The following PANK4 variants were observed in gnomAD, a reference collection of about 807,000 sequenced individuals.
PANK4 encodes pantothenate kinase 4 (inactive).
A neutral mutation model predicts 87.9 loss-of-function variants in PANK4; 40 were observed. That is an observed-to-expected ratio of 0.46 (90% CI 0.35 to 0.59). The LOEUF is 0.59. Ranked by LOEUF, PANK4 falls within the 20% of genes least tolerant of loss-of-function variation. The pLI, the probability that PANK4 is intolerant of heterozygous loss-of-function variation, is 0.00. For missense variants in PANK4, 926 were observed against 1,072.3 expected (o/e 0.86, Z 1.90); for synonymous variants, 524 against 467.4 (o/e 1.12, Z -1.56).
intron 9 of PANK4, among the ~76,000 whole-genome samples, chr1:2,516,708 G>A (rs1179379250): frequency 2.0e-5 from 3 of 152,238 alleles, no homozygotes; most frequent in African/African-American, 7.2e-5. Flanking sequence ...CCGGGCAGAA[G>A]CTCCACGTGG....
Position 2,520,970 on chromosome 1 carries a change from T to C in PANK4, c.423-64A>G. 2.0e-6 allele frequency: 3 copies of C among 1,533,658 alleles called. No individual in the cohort carries two copies. Among genetic ancestry groups the C allele is most frequent in the Non-Finnish European group, 2.6e-6 (3 of 1,132,410 alleles). On this transcript the variant is annotated intron_variant, in intron 3 of 18. Coordinates refer to ENST00000378466, the MANE Select transcript of PANK4 (RefSeq NM_018216.4). The surrounding 1 kb of genome is among the most constrained non-coding windows in gnomAD (Gnocchi z 6.2). ...ACAGACAGGTGCAACCATGCAAGCC[T>C]GCCTGGTCCGAAGGGGCAGCCATGC... is the stretch of plus-strand genomic sequence containing the variant.
At position 2,510,647 on chromosome 1, in the gene PANK4, G is replaced by A. The variant is rs1276664896; in HGVS notation, c.1938+31C>T. 10 of 1,327,460 alleles carry A rather than the reference G, an allele frequency of 7.5e-6. No individual in the cohort carries two copies. Among genetic ancestry groups the A allele is most frequent in the East Asian group, 4.6e-5 (2 of 43,350 alleles). The allele number at this position is 1,327,460 out of a possible 1,614,324, so 82.2% of individuals were successfully genotyped here. On this transcript the variant is annotated intron_variant, in intron 16 of 18. Transcript: ENST00000378466. The surrounding 1 kb of genome is among the most constrained non-coding windows in gnomAD (Gnocchi z 4.9). The stretch of plus-strand genomic sequence containing the variant: ...CCACCGAGAGCAGAGAAGCCCAGGG[G>A]AAGGGCCCCACCCACCACCTCAACA...
chr1:2,510,725 A>G lies in PANK4; in HGVS notation c.1891T>C (p.Leu631=), dbSNP rs1273125756. ...TCCCTGACAAAGGGGAAGACTCCCA[A>G]AATGATGTCTATTCCACTGTTATCT... ...FADNSGIDII[L]GVFPFVRELL... Residue 631 remains leucine, a synonymous_variant, in exon 16 of 19, where the codon TTG becomes CTG. Coordinates refer to ENST00000378466, the MANE Select transcript of PANK4 (RefSeq NM_018216.4). This position sits in a 1 kb window ranked among gnomAD's most constrained non-coding sequence, Gnocchi z 4.9. The G allele has an allele frequency of 1.9e-6, 3 of 1,612,574 alleles. No individual in the cohort carries two copies. Among genetic ancestry groups the G allele is most frequent in the Non-Finnish European group, 2.5e-6 (3 of 1,179,366 alleles).
rs1643622123 is a variant in PANK4 at position 2,509,453 on chromosome 1, C to T, written c.2109-393G>A. Among the ~76,000 whole-genome samples, 2 of 152,216 alleles carry T rather than the reference C, an allele frequency of 1.3e-5. 1 individual carries two copies. The highest frequency in any genetic ancestry group is 2.9e-5 in the Non-Finnish European group (2 of 68,040). ...CTCATTTAAGGGGTTCCTTCCTCCT[C>T]TGCAATCAGGAGGACAGACAGCACC... On this transcript the variant is annotated intron_variant, in intron 18 of 18. Transcript: ENST00000378466. This position sits in a 1 kb window ranked among gnomAD's most constrained non-coding sequence, Gnocchi z 4.9.
At chr1:2,522,797 T>A in intron 1 of PANK4, among the ~76,000 whole-genome samples, 1 of 152,144 alleles carries the variant, frequency 6.6e-6, no homozygotes. Context: ...GGTGCTATAG[T>A]GACTTAACGG....
intron 14 of PANK4, 90 bp from the exon 15 acceptor site, chr1:2,511,477 G>C: frequency 8.5e-7 from 1 of 1,182,552 alleles, no homozygotes; most frequent in Non-Finnish European, 1.3e-6. Flanking sequence ...TCTCCAGGAA[G>C]CAAGTTCTCC....
chr1:2,513,100 C>T, intron 12 of PANK4, 61 bp from the exon 13 acceptor site: 1 of 1,515,576 alleles, frequency 6.6e-7, no homozygotes, highest in Non-Finnish European at 8.9e-7. Flanking sequence ...ACCCTGGACA[C>T]CTGCCAGGCG....
chr1:2,526,451 G>C lies in PANK4; in HGVS notation c.124+13C>G. ...CCCCCGCAGCCCGCGCCCGGCGCCC[G>C]GCCTGCGGCTACCTATGTCGATGGC... On this transcript the variant is annotated intron_variant, in intron 1 of 18. Transcript: ENST00000378466. 1.4e-6 allele frequency: 2 copies of C among 1,416,524 alleles called. No individual in the cohort carries two copies. The highest frequency in any genetic ancestry group is 1.9e-6 in the Non-Finnish European group (2 of 1,069,644). 87.7% of individuals were successfully genotyped at this position (1,416,524 alleles called of 1,614,324 possible). A position where few individuals can be genotyped will look rare whatever the true frequency, so the allele number is the denominator to read the frequency against.
At chr1:2,522,047 T>A in intron 1 of PANK4, 1 of 544,564 alleles carries the variant, frequency 1.8e-6, no homozygotes, top group Non-Finnish European at 3.3e-6. Context: ...GCTCAAGAGG[T>A]CCCGCTTCCC....
At position 2,510,135 on chromosome 1, in the gene PANK4, C is replaced by T; in HGVS notation, c.1961G>A (p.Gly654Asp). The change falls in exon 17 of 19, where the codon GGC (glycine) becomes GAC (aspartate). Residue 654 changes from glycine to aspartate, a missense_variant. Physicochemically the swap from Gly to Asp is moderately conservative, Grantham distance 94. Coordinates refer to ENST00000378466, the MANE Select transcript of PANK4 (RefSeq NM_018216.4). The surrounding 1 kb of genome is among the most constrained non-coding windows in gnomAD (Gnocchi z 4.9). Reference protein sequence around the residue: ...GTEVILACNSGPALNDVTHSE... With the variant: ...GTEVILACNSDPALNDVTHSE... ...GTGGGTCACGTCGTTCAGGGCGGGG[C>T]CTGAGTTGCACGCCAGGATGACCTG... 1 of 1,607,774 alleles carries T rather than the reference C, an allele frequency of 6.2e-7. No homozygotes were observed. The highest frequency in any genetic ancestry group is 1.1e-5 in the South Asian group (1 of 89,932).
rs1459978929 is a variant in PANK4, at chr1:2,526,536, T to C, written c.52A>G (p.Lys18Glu). Residue 18 changes from lysine to glutamate, a missense_variant, in exon 1 of 19, where the codon AAG becomes GAG. Transcript: ENST00000378466. ...GSGSSGDSLD[K>E]SITLPPDEIF... is the part of the protein sequence containing the mutation. ...TCGTCGGGGGGCAGCGTGATGCTCT[T>C]GTCCAGACTGTCCCCGCTGCTCCCG... is the stretch of plus-strand genomic sequence containing the variant. 6.2e-7 allele frequency: 1 copy of C among 1,600,840 alleles called. No homozygotes were observed.
chr1:2,513,889 G>C, intron 12 of PANK4, 113 bp downstream of exon 12: 1 of 813,342 alleles, frequency 1.2e-6, no homozygotes, highest in Non-Finnish European at 2.2e-6. Context: ...TACCAAACCT[G>C]CATGGCCTCA....
intron 14 of PANK4, 71 bp downstream of exon 14, chr1:2,511,557 C>G (rs369552202): frequency 2.5e-6 from 3 of 1,182,566 alleles, no homozygotes; most frequent in Non-Finnish European, 2.5e-6. Context: ...CAACTGCATT[C>G]GCTGTTGCAG....
Position 2,510,100 on chromosome 1 carries a change from G to A in PANK4, c.1996C>T (p.Leu666Phe). 6.2e-7 allele frequency: 1 copy of A among 1,611,390 alleles called. No individual in the cohort carries two copies. The highest frequency in any genetic ancestry group is 1.3e-5 in the African/African-American group (1 of 74,994). Residue 666 changes from leucine (L) to phenylalanine (F), a missense_variant, in exon 17 of 19, where the codon CTC becomes TTC. Coordinates refer to ENST00000378466, the MANE Select transcript of PANK4 (RefSeq NM_018216.4). This position sits in a 1 kb window ranked among gnomAD's most constrained non-coding sequence, Gnocchi z 4.9. ...CCCGCAATACGCTCTGCCACGATGA[G>A]GGACTCGCTGTGGGTCACGTCGTTC... is the stretch of plus-strand genomic sequence containing the variant. Reference protein sequence around the residue: ...ALNDVTHSESLIVAERIAGMD... With the variant: ...ALNDVTHSESFIVAERIAGMD...
At position 2,509,912 on chromosome 1, in the gene PANK4, C is replaced by T; in HGVS notation, c.2058G>A (p.Glu686=). 1 of 1,612,452 alleles carries T rather than the reference C, an allele frequency of 6.2e-7. No individual in the cohort carries two copies. Among genetic ancestry groups the T allele is most frequent in the Non-Finnish European group, 8.5e-7 (1 of 1,179,854 alleles). Residue 686 remains glutamate, a synonymous_variant, in exon 18 of 19, where the codon GAG becomes GAA. Coordinates refer to ENST00000378466, the MANE Select transcript of PANK4 (RefSeq NM_018216.4). The surrounding 1 kb of genome is among the most constrained non-coding windows in gnomAD (Gnocchi z 4.9). ...AGCCCGTCTGCACCAGCAGCAGCCTCTCTTCCTGGAGCGCAGAGCTGCCAG... is the reference window on the plus strand; with the variant it reads ...AGCCCGTCTGCACCAGCAGCAGCCTTTCTTCCTGGAGCGCAGAGCTGCCAG... ...DPVVHSALQE[E]RLLLVQTGSS...
chr1:2,510,429 G>A lies in PANK4; in HGVS notation c.1938+249C>T. ...CACAGCCCCAAAGCCTCCTTGCTGT[G>A]AGCACCCTTCCAGGAGCCTGGCGTC... On this transcript the variant is annotated intron_variant, in intron 16 of 18. Transcript: ENST00000378466. This position sits in a 1 kb window ranked among gnomAD's most constrained non-coding sequence, Gnocchi z 4.9. 1 of 596,438 alleles carries A rather than the reference G, an allele frequency of 1.7e-6. No homozygotes were observed. 36.9% of individuals were successfully genotyped at this position (596,438 alleles called of 1,614,324 possible). A position where few individuals can be genotyped will look rare whatever the true frequency, so the allele number is the denominator to read the frequency against.
Position 2,519,089 on chromosome 1 carries a change from G to C in PANK4, c.1035+54C>G. 6.6e-7 allele frequency: 1 copy of C among 1,524,570 alleles called. No homozygotes were observed. The highest frequency in any genetic ancestry group is 9.0e-7 in the Non-Finnish European group (1 of 1,112,496). 94.4% of individuals were successfully genotyped at this position (1,524,570 alleles called of 1,614,324 possible). A position where few individuals can be genotyped will look rare whatever the true frequency, so the allele number is the denominator to read the frequency against. The stretch of plus-strand genomic sequence containing the variant: ...GGTGTCTAACCAGCATGACTGATTG[G>C]GAAGATCCTGGGGGGTCTGCGTTAG... On this transcript the variant is annotated intron_variant, in intron 7 of 18. Transcript: ENST00000378466. This position sits in a 1 kb window ranked among gnomAD's most constrained non-coding sequence, Gnocchi z 8.3.
In PANK4 at chr1:2,520,265, G is replaced by A. The variant is rs1643863632; in HGVS notation, c.699+57C>T. The A allele has an allele frequency of 3.3e-6, 5 of 1,507,778 alleles. No individual in the cohort carries two copies. In the South Asian group the frequency reaches 5.6e-5, roughly 17 times the overall value. The allele number at this position is 1,507,778 out of a possible 1,614,324, so 93.4% of individuals were successfully genotyped here. On this transcript the variant is annotated intron_variant, in intron 5 of 18. Transcript: ENST00000378466. The surrounding 1 kb of genome is among the most constrained non-coding windows in gnomAD (Gnocchi z 6.2). ...CACCGCCCAGCTGCAGGCCTTCGGG[G>A]GAAGGAAGCAGACATCTCCGCAGAC... is the stretch of plus-strand genomic sequence containing the variant.
chr1:2,512,721 C>T (rs1182663058), intron 13 of PANK4, 167 bp downstream of exon 13: 1 of 680,946 alleles, frequency 1.5e-6, no homozygotes, highest in Non-Finnish European at 2.6e-6. Flanking sequence ...TGCCCAGCCC[C>T]TGGCGCTGCT....
Sources: allele counts gnomAD v4.1 joint callset (sites outside exome capture counted in the v4.1 genomes callset), GRCh38; gene constraint gnomAD v4.1.1; non-coding constraint Gnocchi (gnomAD v3.1); transcripts MANE v1.5; gene names NCBI Gene and HGNC (gene_info 2026-07-23, HGNC 2026-07-21).